Variants in TSPAN3 observed in about 807,000 individuals in gnomAD.
TSPAN3 encodes tetraspanin-3.
Under a neutral mutation model 31.1 loss-of-function variants are expected in TSPAN3, and 9 were observed. The ratio of observed to expected loss-of-function variants is 0.29; its 90% CI spans 0.17 to 0.50. TSPAN3 has a LOEUF of 0.50. Ranked by LOEUF, TSPAN3 falls within the 20% of genes least tolerant of loss-of-function variation. The probability of loss-of-function intolerance (pLI) is 0.98; values close to 1 mark genes in which losing one functional copy is unlikely to be tolerated. For synonymous variants in TSPAN3, 129 were observed against 114.3 expected, an observed-to-expected ratio of 1.13 and a Z score of -0.82; for missense variants, 252 against 313.5, an observed-to-expected ratio of 0.80 and a Z score of 1.48.
At chr15:77,066,006 T>C (rs918913313) in intron 1 of TSPAN3, among the ~76,000 whole-genome samples, 1 of 152,198 alleles carries the variant, frequency 6.6e-6, no homozygotes, top group Non-Finnish European at 1.5e-5. Context: ...CCAGTCCCTG[T>C]AATGCCTAAG....
At chr15:77,051,398 G>A (rs900268213) in intron 6 of TSPAN3, among the ~76,000 whole-genome samples, 2 of 151,894 alleles carry the variant, frequency 1.3e-5, no homozygotes, top group Non-Finnish European at 2.9e-5. Flanking sequence ...CATGGTAGCG[G>A]GAACCTGTAA....
At position 77,046,696 on chromosome 15, in the gene TSPAN3, T is replaced by G. The variant is rs1329351079; in HGVS notation, c.*139A>C. ...GGTAGTAGGTAAGTAGGTGGGCACA[T>G]GAAAAGCCAAGCTGCTCTGTCCAAC... On this transcript the variant is annotated 3_prime_UTR_variant, in exon 7 of 7. Coordinates refer to ENST00000267970, the MANE Select transcript of TSPAN3 (RefSeq NM_005724.6). 1 of 614,522 alleles carries G rather than the reference T, an allele frequency of 1.6e-6. No individual in the cohort carries two copies. The highest frequency in any genetic ancestry group is 2.8e-5 in the East Asian group (1 of 35,464). The allele number at this position is 614,522 out of a possible 1,614,324, so 38.1% of individuals were successfully genotyped here.
intron 1 of TSPAN3, among the ~76,000 whole-genome samples, chr15:77,057,785 C>A (rs556189197): frequency 7.2e-5 from 11 of 152,094 alleles, no homozygotes; most frequent in African/African-American, 1.2e-4. Flanking sequence ...TCTCCGTGGG[C>A]TACAGCAGCT....
chr15:77,057,774 C>A (rs2076776726), intron 1 of TSPAN3, among the ~76,000 whole-genome samples: 1 of 152,102 alleles, frequency 6.6e-6, no homozygotes, highest in African/African-American at 2.4e-5. Context: ...ATTCTCTGGG[C>A]TCTCCGTGGG....
At chr15:77,070,362 G>A (rs1412566074) in intron 1 of TSPAN3, among the ~76,000 whole-genome samples, 2 of 152,190 alleles carry the variant, frequency 1.3e-5, no homozygotes, top group Non-Finnish European at 2.9e-5. Flanking sequence ...CATTTTCTGG[G>A]CTGGTGACAG....
chr15:77,042,846 C>A lies in TSPAN3; in HGVS notation c.*3989G>T, dbSNP rs2076667569. 6.6e-6 allele frequency: 1 copy of A among 152,070 alleles called. No individual in the cohort carries two copies. Among genetic ancestry groups the A allele is most frequent in the Non-Finnish European group, 1.5e-5 (1 of 68,020 alleles). The allele number at this position is 152,070 out of a possible 1,614,324, so 9.4% of individuals were successfully genotyped here. On this transcript the variant is annotated 3_prime_UTR_variant, in exon 7 of 7. Coordinates refer to ENST00000267970, the MANE Select transcript of TSPAN3 (RefSeq NM_005724.6). ...TTCTTATTAGTTGAAAAGAAAAAAA[C>A]AGTAACCATGCTATGGAGAAAGTGG... is the stretch of plus-strand genomic sequence containing the variant.
rs921728872 is a variant in TSPAN3 at position 77,045,416 on chromosome 15, C to T, written c.*1419G>A. On this transcript the variant is annotated 3_prime_UTR_variant, in exon 7 of 7. Transcript: ENST00000267970. Reference sequence around the variant, plus strand: ...TCCTGGCTTCAGCACGGCCGGCTTGCATCACCACCTTCTTCTCAGTTCACC... The same window carrying T: ...TCCTGGCTTCAGCACGGCCGGCTTGTATCACCACCTTCTTCTCAGTTCACC... 1.3e-5 allele frequency: 2 copies of T among 152,398 alleles called. No homozygotes were observed. The highest frequency in any genetic ancestry group is 2.4e-5 in the African/African-American group (1 of 41,452). 9.4% of individuals were successfully genotyped at this position (152,398 alleles called of 1,614,324 possible).
rs181623428 is a variant in TSPAN3 at position 77,043,880 on chromosome 15, G to A, written c.*2955C>T. On this transcript the variant is annotated 3_prime_UTR_variant, in exon 7 of 7. Coordinates refer to ENST00000267970, the MANE Select transcript of TSPAN3 (RefSeq NM_005724.6). ...TATTAGGGGTAAAAGGCCATGACAGGTGTGGAGGCAGCAGGAGGGAGGGAG... is the reference window on the plus strand; with the variant it reads ...TATTAGGGGTAAAAGGCCATGACAGATGTGGAGGCAGCAGGAGGGAGGGAG... 6.6e-6 allele frequency: 1 copy of A among 152,436 alleles called. No individual in the cohort carries two copies. Among genetic ancestry groups the A allele is most frequent in the Non-Finnish European group, 1.5e-5 (1 of 68,038 alleles). 9.4% of individuals were successfully genotyped at this position (152,436 alleles called of 1,614,324 possible). A position where few individuals can be genotyped will look rare whatever the true frequency, so the allele number is the denominator to read the frequency against.
intron 1 of TSPAN3, among the ~76,000 whole-genome samples, chr15:77,060,366 G>T (rs973271090): frequency 6.6e-6 from 1 of 152,154 alleles, no homozygotes; most frequent in African/African-American, 2.4e-5. Context: ...ATTATGAAAT[G>T]ACACTGGTTA....
At chr15:77,051,741 C>T (rs1011697480) in intron 6 of TSPAN3, among the ~76,000 whole-genome samples, 2 of 151,662 alleles carry the variant, frequency 1.3e-5, no homozygotes, top group Non-Finnish European at 2.9e-5. Flanking sequence ...GCTTGTAGTC[C>T]CAGCTACTGG....
At chr15:77,057,932 CT>C (rs1288375071) in intron 1 of TSPAN3, among the ~76,000 whole-genome samples, 21 of 152,212 alleles carry the variant, frequency 1.4e-4, no homozygotes, top group African/African-American at 5.1e-4. Flanking sequence ...CCCATCTAAT[CT>C]TCCCTTACAT....
intron 1 of TSPAN3, among the ~76,000 whole-genome samples, chr15:77,069,422 T>A (rs1033032574): frequency 1.3e-5 from 2 of 152,162 alleles, no homozygotes; most frequent in East Asian, 3.8e-4. Flanking sequence ...ATTTCATTCT[T>A]CACAATAAAC....
intron 1 of TSPAN3, among the ~76,000 whole-genome samples, chr15:77,063,200 C>T (rs2076810519): frequency 6.6e-6 from 1 of 152,168 alleles, no homozygotes; most frequent in African/African-American, 2.4e-5. Context: ...GTCTGTGTGG[C>T]TTTGACTCAT....
chr15:77,047,120 T>C, intron 6 of TSPAN3, among the ~76,000 whole-genome samples, 193 bp from the exon 7 acceptor site: 1 of 152,194 alleles, frequency 6.6e-6, no homozygotes, highest in Non-Finnish European at 1.5e-5. Flanking sequence ...AAGCTTCAGC[T>C]TCCCTCCCAG....
At chr15:77,056,014 G>T (rs2076766377) in intron 2 of TSPAN3, 50 bp downstream of exon 2, 1 of 1,543,602 alleles carries the variant, frequency 6.5e-7, no homozygotes, top group East Asian at 2.2e-5. Context: ...CATGTTCAAG[G>T]AGAGTAGCAT....
At position 77,052,539 on chromosome 15, in the gene TSPAN3, A is replaced by G. The variant is rs150181525; in HGVS notation, c.586-71T>C. 8.3e-4 allele frequency: 1,172 copies of G among 1,406,152 alleles called. 8 individuals carry two copies. In the African/African-American group the frequency reaches 0.015, roughly 18 times the overall value. The allele number at this position is 1,406,152 out of a possible 1,614,324, so 87.1% of individuals were successfully genotyped here. A position where few individuals can be genotyped will look rare whatever the true frequency, so the allele number is the denominator to read the frequency against. On this transcript the variant is annotated intron_variant, in intron 5 of 6. Transcript: ENST00000267970. Reference sequence around the variant, plus strand: ...TAAAGCTGCAGATTCACAGGCCACTACCCACTTACAGAAAGGAAAATGACA... The same window carrying G: ...TAAAGCTGCAGATTCACAGGCCACTGCCCACTTACAGAAAGGAAAATGACA...
intron 1 of TSPAN3, among the ~76,000 whole-genome samples, chr15:77,068,951 G>A (rs1402145968): frequency 1.3e-5 from 2 of 152,192 alleles, no homozygotes; most frequent in African/African-American, 4.8e-5. Context: ...GAATATATGC[G>A]TGCAAGTGTC....
chr15:77,051,315 G>T (rs2076729449), intron 6 of TSPAN3, among the ~76,000 whole-genome samples: 1 of 152,024 alleles, frequency 6.6e-6, no homozygotes, highest in African/African-American at 2.4e-5. Flanking sequence ...ATCACCTGAG[G>T]TCAGGAGTTC....
intron 6 of TSPAN3, among the ~76,000 whole-genome samples, chr15:77,049,409 C>T (rs1018248877): frequency 6.6e-6 from 1 of 152,198 alleles, no homozygotes; most frequent in Non-Finnish European, 1.5e-5. Flanking sequence ...AGACTTAGAA[C>T]ATTTTCCCCG....
Sources: gnomAD v4.1 joint callset for allele counts (sites outside exome capture counted in the v4.1 genomes callset) on GRCh38, gnomAD v4.1.1 for gene constraint, MANE v1.5 for transcripts, NCBI Gene and HGNC (gene_info 2026-07-23, HGNC 2026-07-21) for gene names.